Variants in CEP128 observed in about 807,000 individuals in gnomAD.
CEP128 encodes the protein centrosomal protein 128.
CEP128 carries 132 observed loss-of-function variants against 156.7 expected under a neutral mutation model. That is an observed-to-expected ratio of 0.84 (90% CI 0.73 to 0.97). The LOEUF (loss-of-function observed/expected upper bound fraction) is 0.97. Among genes scored for constraint, CEP128 ranks in the 50% least tolerant of loss-of-function variants. CEP128 has a pLI of 0.00. For synonymous variants in CEP128, 469 were observed against 448.9 expected, an observed-to-expected ratio of 1.04 and a Z score of -0.57; for missense variants, 1,252 against 1,281.9, an observed-to-expected ratio of 0.98 and a Z score of 0.36.
At chr14:80,560,153 C>T (rs918550635) in intron 20 of CEP128, among the ~76,000 whole-genome samples, 1 of 152,172 alleles carries the variant, frequency 6.6e-6, no homozygotes, top group Non-Finnish European at 1.5e-5. Flanking sequence ...AGGTCAGGTG[C>T]AATGCCTCAC....
intron 20 of CEP128, among the ~76,000 whole-genome samples, chr14:80,578,076 A>T (rs1891432833): frequency 6.6e-6 from 1 of 152,172 alleles, no homozygotes; most frequent in Non-Finnish European, 1.5e-5. Flanking sequence ...TATGACAAAC[A>T]AGGACAGATG....
intron 19 of CEP128, among the ~76,000 whole-genome samples, chr14:80,688,286 A>T (rs1290308804): frequency 2.0e-5 from 3 of 152,178 alleles, no homozygotes; most frequent in Admixed American, 2.0e-4. Flanking sequence ...TTCTTCCAAC[A>T]ATTATGCTGA....
At chr14:80,662,296 A>C (rs1280085642) in intron 19 of CEP128, among the ~76,000 whole-genome samples, 2 of 152,218 alleles carry the variant, frequency 1.3e-5, no homozygotes, top group Non-Finnish European at 1.5e-5. Context: ...AGAAAATATT[A>C]AGCACACTTT....
intron 13 of CEP128, among the ~76,000 whole-genome samples, chr14:80,816,105 AT>A (rs936893184): frequency 3.3e-5 from 5 of 152,146 alleles, no homozygotes; most frequent in South Asian, 2.1e-4. Flanking sequence ...ATTTGTATAC[AT>A]TTTTTAAAGA....
chr14:80,620,520 A>T (rs1893434832), intron 19 of CEP128, among the ~76,000 whole-genome samples: 1 of 152,208 alleles, frequency 6.6e-6, no homozygotes, highest in South Asian at 2.1e-4. Context: ...TTTGTAAAGG[A>T]ATTAGAATTT....
intron 19 of CEP128, among the ~76,000 whole-genome samples, chr14:80,637,041 G>A (rs376534896): frequency 1.3e-5 from 2 of 151,516 alleles, no homozygotes; most frequent in African/African-American, 4.8e-5. Context: ...AGCCAAGATC[G>A]GGCCATTGTA....
rs1415789041 is a variant in CEP128, at chr14:80,836,295, G to A, written c.967C>T (p.Arg323Ter). ...RTQLTKAEGD[R>*]KGLQHQVSQI... ...GATACTTGATGCTGTAAACCCTTTC[G>A]ATCACCTTCTGCTTTCGTAAGTTGT... Residue 323 changes from arginine (R) to a stop codon, truncating the protein, a stop_gained, in exon 12 of 25, where the codon CGA becomes TGA. Coordinates refer to ENST00000555265, the MANE Select transcript of CEP128 (RefSeq NM_152446.5). LOFTEE classifies it high-confidence loss of function. The A allele has an allele frequency of 2.5e-6, 4 of 1,613,900 alleles. No homozygotes were observed. Among genetic ancestry groups the A allele is most frequent in the South Asian group, 1.1e-5 (1 of 91,068 alleles).
chr14:80,916,452 A>T lies in CEP128; in HGVS notation c.96T>A (p.Leu32=). 1 of 1,614,148 alleles carries T rather than the reference A, an allele frequency of 6.2e-7. No homozygotes were observed. The highest frequency in any genetic ancestry group is 8.5e-7 in the Non-Finnish European group (1 of 1,179,986). The change falls in exon 3 of 25, where the codon CTT becomes CTA. Residue 32 remains leucine, a synonymous_variant. Transcript: ENST00000555265. ...ARSTHRGTRS[L]PTVEVTEKVN... ...CCTTCTCGGTAACTTCTACTGTAGG[A>T]AGACTTCGAGTTCCCCTGTGCGTTG...
intron 19 of CEP128, among the ~76,000 whole-genome samples, chr14:80,709,089 A>G (rs2139400691): frequency 6.6e-6 from 1 of 151,184 alleles, no homozygotes; most frequent in East Asian, 1.9e-4. Flanking sequence ...ATAAATAAAT[A>G]AAATAATAAA....
intron 19 of CEP128, among the ~76,000 whole-genome samples, chr14:80,715,358 C>G (rs1375584394): frequency 6.6e-6 from 1 of 152,126 alleles, no homozygotes; most frequent in Non-Finnish European, 1.5e-5. Flanking sequence ...TATATAAAAT[C>G]CTATTCTCCC....
At chr14:80,597,105 GA>G (rs1892363408) in intron 19 of CEP128, among the ~76,000 whole-genome samples, 1 of 150,688 alleles carries the variant, frequency 6.6e-6, no homozygotes. Context: ...GAACAAGAGG[GA>G]AAAAAAAGTC....
intron 16 of CEP128, among the ~76,000 whole-genome samples, chr14:80,762,327 T>A (rs1023593981): frequency 1.3e-5 from 2 of 152,026 alleles, no homozygotes; most frequent in African/African-American, 4.8e-5. Context: ...TGTAATAAAA[T>A]AAAAAAATCA....
chr14:80,747,385 T>C (rs1452698488), intron 18 of CEP128, among the ~76,000 whole-genome samples: 3 of 152,192 alleles, frequency 2.0e-5, no homozygotes, highest in Admixed American at 2.0e-4. Flanking sequence ...ATCCAAACGA[T>C]GAAACATTAT....
intron 23 of CEP128, among the ~76,000 whole-genome samples, chr14:80,510,849 C>G (rs1352044020): frequency 6.6e-6 from 1 of 151,570 alleles, no homozygotes; most frequent in Non-Finnish European, 1.5e-5. Flanking sequence ...AATGCTTTTT[C>G]AATATCAATT....
intron 19 of CEP128, among the ~76,000 whole-genome samples, chr14:80,740,870 A>T (rs1367769573): frequency 6.6e-6 from 1 of 152,144 alleles, no homozygotes; most frequent in Non-Finnish European, 1.5e-5. Context: ...GCTGGGAATG[A>T]CTATTTTCTA....
chr14:80,667,045 A>G (rs1240707360), intron 19 of CEP128, among the ~76,000 whole-genome samples: 1 of 152,190 alleles, frequency 6.6e-6, no homozygotes, highest in Non-Finnish European at 1.5e-5. Flanking sequence ...ACAAACCCTC[A>G]CAGACCTCCA....
At chr14:80,601,159 C>G (rs188804403) in intron 19 of CEP128, among the ~76,000 whole-genome samples, 1 of 151,680 alleles carries the variant, frequency 6.6e-6, no homozygotes, top group African/African-American at 2.4e-5. Flanking sequence ...AAAGAAAAGG[C>G]AATTATAAAG....
intron 13 of CEP128, among the ~76,000 whole-genome samples, chr14:80,801,109 C>G (rs909670298): frequency 2.0e-5 from 3 of 152,156 alleles, no homozygotes; most frequent in African/African-American, 7.2e-5. Context: ...ATAAGGTCAG[C>G]TTGCTTATGA....
At chr14:80,714,339 A>G (rs1897524878) in intron 19 of CEP128, among the ~76,000 whole-genome samples, 1 of 151,918 alleles carries the variant, frequency 6.6e-6, no homozygotes, top group Non-Finnish European at 1.5e-5. Flanking sequence ...CACACACTTA[A>G]GGCTACTTTT....
Sources: gnomAD v4.1 joint callset for allele counts (sites outside exome capture counted in the v4.1 genomes callset) on GRCh38, gnomAD v4.1.1 for gene constraint, MANE v1.5 for transcripts, NCBI Gene and HGNC (gene_info 2026-07-23, HGNC 2026-07-21) for gene names.